Variants in LRRC4B observed in about 807,000 individuals in gnomAD.
LRRC4B encodes leucine-rich repeat-containing protein 4B.
A neutral mutation model predicts 7.3 loss-of-function variants in LRRC4B; 1 was observed. The observed-to-expected ratio is 0.14, with a 90% CI of 0.05 to 0.65. The LOEUF is 0.65. Ranked by LOEUF, LRRC4B falls within the 30% of genes least tolerant of loss-of-function variation. The probability of loss-of-function intolerance (pLI) is 0.84; values close to 1 mark genes in which losing one functional copy is unlikely to be tolerated. For synonymous variants in LRRC4B, 500 were observed against 499.2 expected, an observed-to-expected ratio of 1.00 and a Z score of -0.02; for missense variants, 730 against 1,041.6, an observed-to-expected ratio of 0.70 and a Z score of 4.12.
chr19:50,561,181 G>A (rs1041572714), intron 1 of LRRC4B, among the ~76,000 whole-genome samples: 4 of 142,068 alleles, frequency 2.8e-5, no homozygotes, highest in African/African-American at 1.0e-4. Context: ...ACCCAACCCC[G>A]CCACTTCTCT....
At position 50,517,795 on chromosome 19, in the gene LRRC4B, TGGCCACGGCGGCCGCGGC is replaced by T. The variant is rs1568713237; in HGVS notation, c.1900_1917del (p.Ala634_Ala639del). The stretch of plus-strand genomic sequence containing the variant: ...CTGTCCCCGCCCACACCACCCCCAC[TGGCCACGGCGGCCGCGGC>T]GGCCACGGACACGGCCGAGGCGGCG... On this transcript the variant is annotated inframe_deletion, in exon 3 of 3. Transcript: ENST00000652263. The surrounding 1 kb of genome is among the most constrained non-coding windows in gnomAD (Gnocchi z 6.6). 3 of 1,533,200 alleles carry T rather than the reference TGGCCACGGCGGCCGCGGC, an allele frequency of 2.0e-6. No homozygotes were observed. The highest frequency in any genetic ancestry group is 2.6e-6 in the Non-Finnish European group (3 of 1,146,384). 95.0% of individuals were successfully genotyped at this position (1,533,200 alleles called of 1,614,324 possible).
intron 1 of LRRC4B, among the ~76,000 whole-genome samples, chr19:50,562,731 T>G (rs1489355883): frequency 4.1e-5 from 4 of 97,474 alleles, no homozygotes; most frequent in Non-Finnish European, 6.2e-5. Context: ...CCATCCAGGG[T>G]TTTTTTTTTT....
chr19:50,564,824 T>C (rs563491625), intron 1 of LRRC4B, among the ~76,000 whole-genome samples: 2 of 151,720 alleles, frequency 1.3e-5, no homozygotes, highest in South Asian at 2.1e-4. Flanking sequence ...GTGGGGACCC[T>C]GGCAAGAAAG....
chr19:50,524,071 G>A (rs1274619), intron 2 of LRRC4B, among the ~76,000 whole-genome samples: 96 of 152,112 alleles, frequency 6.3e-4, no homozygotes, highest in Middle Eastern at 3.4e-3. Flanking sequence ...CCTCAATGAG[G>A]AAAAATTACT....
chr19:50,545,505 AG>A (rs1486383838), intron 2 of LRRC4B, among the ~76,000 whole-genome samples: 10 of 150,424 alleles, frequency 6.6e-5, no homozygotes, highest in African/African-American at 2.2e-4. Flanking sequence ...CACTTGAGCC[AG>A]GGAAGTTAAG....
rs746496641 is a variant in LRRC4B at position 50,517,834 on chromosome 19, C to T, written c.1879G>A (p.Ala627Thr). Reference protein sequence around the residue: ...IINVEDELPAASAVSVAAAAA... With the variant: ...IINVEDELPATSAVSVAAAAA... ...GCGGCGGCCACGGACACGGCCGAGG[C>T]GGCGGGCAGCTCGTCCTCCACGTTG... The change falls in exon 3 of 3, where the codon GCC becomes ACC. Residue 627 changes from alanine to threonine, a missense_variant. This residue lies in a region of LRRC4B where 160 missense variants were observed against 163.9 expected (regional missense o/e 0.98). Coordinates refer to ENST00000652263, the MANE Select transcript of LRRC4B (RefSeq NM_001080457.2). This position sits in a 1 kb window ranked among gnomAD's most constrained non-coding sequence, Gnocchi z 6.6. The T allele has an allele frequency of 1.3e-6, 2 of 1,577,926 alleles. No homozygotes were observed. Among genetic ancestry groups the T allele is most frequent in the Non-Finnish European group, 8.6e-7 (1 of 1,166,126 alleles).
intron 2 of LRRC4B, among the ~76,000 whole-genome samples, chr19:50,542,204 C>T (rs1318659386): frequency 1.3e-5 from 2 of 152,142 alleles, no homozygotes; most frequent in Non-Finnish European, 2.9e-5. Context: ...GGAGCCAGTC[C>T]GGTGAGGACC....
chr19:50,536,818 A>C (rs555800867), intron 2 of LRRC4B, among the ~76,000 whole-genome samples: 6 of 152,274 alleles, frequency 3.9e-5, no homozygotes, highest in African/African-American at 1.4e-4. Flanking sequence ...GGTGGGAAGG[A>C]AGGGGCTGGG....
At chr19:50,547,819 C>T (rs891307037) in intron 2 of LRRC4B, among the ~76,000 whole-genome samples, 26 of 151,898 alleles carry the variant, frequency 1.7e-4, no homozygotes, top group Non-Finnish European at 3.2e-4. Context: ...TCGCTTACGG[C>T]CTATCCTAAT....
chr19:50,555,654 G>C lies in LRRC4B; in HGVS notation c.-35-6781C>G, dbSNP rs1016336383. On this transcript the variant is annotated intron_variant, in intron 1 of 2. Coordinates refer to ENST00000652263, the MANE Select transcript of LRRC4B (RefSeq NM_001080457.2). This position sits in a 1 kb window ranked among gnomAD's most constrained non-coding sequence, Gnocchi z 5.2. ...CCCAGCCCCAGCTCTGAGAGATCTC[G>C]GGCACTGTGCCTGGGAGGATTCAGG... 4 of 152,302 alleles carry C rather than the reference G, an allele frequency of 2.6e-5. No homozygotes were observed. Among genetic ancestry groups the C allele is most frequent in the Non-Finnish European group, 4.4e-5 (3 of 68,120 alleles). 9.4% of individuals were successfully genotyped at this position (152,302 alleles called of 1,614,324 possible). A position where few individuals can be genotyped will look rare whatever the true frequency, so the allele number is the denominator to read the frequency against.
rs1047048342 is a variant in LRRC4B, at chr19:50,556,491, G to C, written c.-35-7618C>G. Among the ~76,000 whole-genome samples the C allele has an allele frequency of 6.6e-6, 1 of 152,092 alleles. No individual in the cohort carries two copies. The highest frequency in any genetic ancestry group is 1.5e-5 in the Non-Finnish European group (1 of 68,004). ...TTCCTGGGGTCAGGGGGGGCTCTGC[G>C]TTCCCACGACACCTCCAGGAGGTCT... On this transcript the variant is annotated intron_variant, in intron 1 of 2. Transcript: ENST00000652263. The surrounding 1 kb of genome is among the most constrained non-coding windows in gnomAD (Gnocchi z 4.2).
chr19:50,517,611 T>C lies in LRRC4B; in HGVS notation c.2102A>G (p.Lys701Arg). 1 of 1,472,026 alleles carries C rather than the reference T, an allele frequency of 6.8e-7. No individual in the cohort carries two copies. Among genetic ancestry groups the C allele is most frequent in the Non-Finnish European group, 9.0e-7 (1 of 1,113,448 alleles). The allele number at this position is 1,472,026 out of a possible 1,614,324, so 91.2% of individuals were successfully genotyped here. A position where few individuals can be genotyped will look rare whatever the true frequency, so the allele number is the denominator to read the frequency against. The change falls in exon 3 of 3, where the codon AAG becomes AGG. Residue 701 changes from lysine to arginine, a missense_variant. By Grantham distance (26) the Lys-to-Arg change is conservative (BLOSUM62 2). Around this residue, in one of 6 missense-constraint regions of LRRC4B, gnomAD observed 160 missense variants for 163.9 expected, o/e 0.98. Coordinates refer to ENST00000652263, the MANE Select transcript of LRRC4B (RefSeq NM_001080457.2). This position sits in a 1 kb window ranked among gnomAD's most constrained non-coding sequence, Gnocchi z 6.6. Reference sequence around the variant, plus strand: ...TTGCACGTTCTCCTTGGAGCCGCTCTTGAAGAGCAGAGGTTCGTGGATGGA... The same window carrying C: ...TTGCACGTTCTCCTTGGAGCCGCTCCTGAAGAGCAGAGGTTCGTGGATGGA... Reference protein sequence around the residue: ...LNSIHEPLLFKSGSKENVQET... With the variant: ...LNSIHEPLLFRSGSKENVQET...
intron 2 of LRRC4B, among the ~76,000 whole-genome samples, chr19:50,545,529 C>T (rs1294173278): frequency 6.6e-6 from 1 of 151,944 alleles, no homozygotes; most frequent in Non-Finnish European, 1.5e-5. Context: ...TGCAGGGAGC[C>T]ATGATAGTCC....
chr19:50,530,130 C>T (rs1176651274), intron 2 of LRRC4B, among the ~76,000 whole-genome samples: 2 of 152,144 alleles, frequency 1.3e-5, no homozygotes, highest in Admixed American at 6.5e-5. Context: ...AGCCCAGCCC[C>T]GCCTCATCCT....
chr19:50,567,024 T>C (rs1321260388), intron 1 of LRRC4B, among the ~76,000 whole-genome samples: 1 of 147,212 alleles, frequency 6.8e-6, no homozygotes, highest in East Asian at 2.1e-4. Flanking sequence ...ATCTGGGGGA[T>C]TGTCAGAGAT....
chr19:50,547,293 C>G (rs1038518876), intron 2 of LRRC4B, among the ~76,000 whole-genome samples: 1 of 151,904 alleles, frequency 6.6e-6, no homozygotes, highest in Non-Finnish European at 1.5e-5. Context: ...TTCGCTGGCC[C>G]TTGCCCCACA....
intron 2 of LRRC4B, among the ~76,000 whole-genome samples, chr19:50,538,614 G>A (rs2122856556): frequency 7.7e-6 from 1 of 130,306 alleles, no homozygotes; most frequent in East Asian, 2.2e-4. Flanking sequence ...TGCCACCTAG[G>A]CTGGAGTCCA....
intron 1 of LRRC4B, among the ~76,000 whole-genome samples, chr19:50,558,864 A>G (rs911507082): frequency 6.6e-6 from 1 of 152,212 alleles, no homozygotes; most frequent in Non-Finnish European, 1.5e-5. Flanking sequence ...GGACTCATGG[A>G]GAAGCCAGGG....
chr19:50,550,192 C>T (rs1193315143), intron 1 of LRRC4B, among the ~76,000 whole-genome samples: 4 of 152,138 alleles, frequency 2.6e-5, no homozygotes, highest in South Asian at 2.1e-4. Flanking sequence ...TGAGGGAAAA[C>T]GGCCTGTCCA....
Sources: gnomAD v4.1 joint callset for allele counts (sites outside exome capture counted in the v4.1 genomes callset) on GRCh38, gnomAD v4.1.1 for gene constraint, gnomAD v4.1.1 regional missense constraint, Gnocchi (gnomAD v3.1) non-coding constraint, MANE v1.5 for transcripts, NCBI Gene and HGNC (gene_info 2026-07-23, HGNC 2026-07-21) for gene names.